The following NME7 variants were observed in gnomAD, a reference collection of about 807,000 sequenced individuals.
The protein encoded by NME7 is nucleoside diphosphate kinase 7.
Under a neutral mutation model 49.1 loss-of-function variants are expected in NME7, and 41 were observed. That is an observed-to-expected ratio of 0.83 (90% CI 0.65 to 1.08). NME7 has a LOEUF of 1.08. Ranked by LOEUF, NME7 falls within the 50% of genes least tolerant of loss-of-function variation. The pLI is 0.00. For synonymous variants in NME7, 139 were observed against 150.6 expected, an observed-to-expected ratio of 0.92 and a Z score of 0.56; for missense variants, 423 against 463.4, an observed-to-expected ratio of 0.91 and a Z score of 0.80.
At chr1:169,348,722 G>C (rs1653038659) in intron 1 of NME7, among the ~76,000 whole-genome samples, 1 of 151,942 alleles carries the variant, frequency 6.6e-6, no homozygotes, top group South Asian at 2.1e-4. Context: ...CTCAATTTTA[G>C]CCCTGTAGTT....
At chr1:169,244,505 G>C (rs1193262316) in intron 7 of NME7, among the ~76,000 whole-genome samples, 1 of 151,614 alleles carries the variant, frequency 6.6e-6, no homozygotes, top group East Asian at 1.9e-4. Context: ...GCATGGTGGT[G>C]GGTGCCAGTA....
intron 11 of NME7, among the ~76,000 whole-genome samples, chr1:169,160,517 T>C (rs971492764): frequency 2.0e-5 from 3 of 152,116 alleles, no homozygotes; most frequent in African/African-American, 4.8e-5. Context: ...ATATAGTATA[T>C]ATTATATAAT....
chr1:169,181,987 C>G (rs145726328), intron 10 of NME7, among the ~76,000 whole-genome samples: 103 of 152,156 alleles, frequency 6.8e-4, no homozygotes, highest in Middle Eastern at 3.4e-3. Context: ...CAATTTCATT[C>G]ACTACTATCA....
At position 169,193,090 on chromosome 1, in the gene NME7, C is replaced by G. The variant is rs914904504; in HGVS notation, c.991-23536G>C. Among the ~76,000 whole-genome samples the G allele has an allele frequency of 3.3e-5, 5 of 151,954 alleles. No individual in the cohort carries two copies. The East Asian group carries it at 9.6e-4, about 29-fold the overall frequency. On this transcript the variant is annotated intron_variant, in intron 10 of 11. Coordinates refer to ENST00000367811, the MANE Select transcript of NME7 (RefSeq NM_013330.5). ...ATTTTGGGAGCTGAGGCAGGAGGAT[C>G]ACTTAAGGCCAGGAGTTTGAGACCA...
chr1:169,299,366 G>A lies in NME7; in HGVS notation c.441-603C>T, dbSNP rs191157872. 1.4e-4 allele frequency among the ~76,000 whole-genome samples: 21 copies of A among 152,092 alleles called. 1 individual carries two copies. Among genetic ancestry groups the A allele is most frequent in the Admixed American group, 7.2e-4 (11 of 15,252 alleles). On this transcript the variant is annotated intron_variant, in intron 5 of 11. Coordinates refer to ENST00000367811, the MANE Select transcript of NME7 (RefSeq NM_013330.5). ...TCTGTATTAAATTATTAAAGTGTAC[G>A]CATCGGTTCTTGACTAAAAATCCAG...
At chr1:169,211,433 G>A (rs12142454) in intron 10 of NME7, among the ~76,000 whole-genome samples, 2 of 152,056 alleles carry the variant, frequency 1.3e-5, no homozygotes, top group African/African-American at 4.8e-5. Flanking sequence ...TCATGATATA[G>A]GAAATATAAG....
chr1:169,193,728 A>G (rs923480604), intron 10 of NME7, among the ~76,000 whole-genome samples: 9 of 152,140 alleles, frequency 5.9e-5, no homozygotes, highest in African/African-American at 2.2e-4. Flanking sequence ...TTTTTAGGGA[A>G]ACTTGAGCCC....
intron 10 of NME7, among the ~76,000 whole-genome samples, chr1:169,173,404 T>C (rs1319854773): frequency 6.6e-6 from 1 of 152,142 alleles, no homozygotes; most frequent in Non-Finnish European, 1.5e-5. Flanking sequence ...TATTATCCAT[T>C]AATAAACCTC....
At chr1:169,217,694 C>T (rs905152898) in intron 10 of NME7, among the ~76,000 whole-genome samples, 2 of 152,034 alleles carry the variant, frequency 1.3e-5, no homozygotes, top group Non-Finnish European at 2.9e-5. Context: ...ATAAGAAAAA[C>T]GTCAAAGAAA....
intron 6 of NME7, among the ~76,000 whole-genome samples, chr1:169,296,555 C>T (rs1338119488): frequency 1.3e-5 from 2 of 152,176 alleles, no homozygotes; most frequent in East Asian, 1.9e-4. Flanking sequence ...ACCAGTCTCC[C>T]GGCTTTAAAT....
chr1:169,183,288 A>C (rs1427970363), intron 10 of NME7, among the ~76,000 whole-genome samples: 1 of 152,218 alleles, frequency 6.6e-6, no homozygotes, highest in African/African-American at 2.4e-5. Flanking sequence ...GAAAAGACCA[A>C]TTCACTCTAA....
At chr1:169,366,864 C>G (rs1653882234) in intron 1 of NME7, among the ~76,000 whole-genome samples, 1 of 151,470 alleles carries the variant, frequency 6.6e-6, no homozygotes, top group Non-Finnish European at 1.5e-5. Context: ...TATGAAGAAA[C>G]AAGGGGTGGT....
intron 3 of NME7, among the ~76,000 whole-genome samples, chr1:169,314,445 G>GA (rs1305653226): frequency 1.3e-5 from 2 of 151,174 alleles, no homozygotes; most frequent in Non-Finnish European, 3.0e-5. Context: ...ACTGTATATA[G>GA]AAAAAAAATA....
chr1:169,334,431 T>C (rs10919142), intron 1 of NME7, among the ~76,000 whole-genome samples: 2,218 of 152,304 alleles, frequency 0.015, 59 homozygotes, highest in African/African-American at 0.05. Flanking sequence ...CATCTCATCT[T>C]TGACAAACCT....
intron 1 of NME7, among the ~76,000 whole-genome samples, chr1:169,363,242 A>T (rs550409518): frequency 7.2e-5 from 11 of 152,228 alleles, no homozygotes; most frequent in East Asian, 1.9e-4. Flanking sequence ...TGTCTCAAAA[A>T]AAATAAATAA....
chr1:169,158,349 A>G (rs1340228669), intron 11 of NME7, among the ~76,000 whole-genome samples: 1 of 152,260 alleles, frequency 6.6e-6, no homozygotes, highest in African/African-American at 2.4e-5. Flanking sequence ...CATACTACTC[A>G]GAACGGCATA....
At chr1:169,201,235 T>A (rs1221761602) in intron 10 of NME7, among the ~76,000 whole-genome samples, 1 of 151,852 alleles carries the variant, frequency 6.6e-6, no homozygotes, top group African/African-American at 2.4e-5. Context: ...TCTCAATAAA[T>A]AAATAAATAA....
intron 6 of NME7, among the ~76,000 whole-genome samples, chr1:169,290,241 A>T (rs1650445150): frequency 6.6e-6 from 1 of 152,108 alleles, no homozygotes; most frequent in Non-Finnish European, 1.5e-5. Flanking sequence ...GCCAGTTAAA[A>T]GTTTCTCCAA....
chr1:169,185,019 AG>A (rs1274146476), intron 10 of NME7, among the ~76,000 whole-genome samples: 1 of 152,162 alleles, frequency 6.6e-6, no homozygotes, highest in African/African-American at 2.4e-5. Context: ...AAGTGCTATA[AG>A]GGGAGCACAA....
Sources: allele counts gnomAD v4.1 joint callset (sites outside exome capture counted in the v4.1 genomes callset), GRCh38; gene constraint gnomAD v4.1.1; transcripts MANE v1.5; gene names NCBI Gene and HGNC (gene_info 2026-07-23, HGNC 2026-07-21).